Variants in HTR2C observed in about 807,000 individuals in gnomAD.
HTR2C encodes 5-hydroxytryptamine receptor 2C, also known as 5-hydroxytryptamine (serotonin) receptor 2C, G protein-coupled.
A neutral mutation model predicts 21.0 loss-of-function variants in HTR2C; 5 were observed. The ratio of observed to expected loss-of-function variants is 0.24; its 90% CI spans 0.12 to 0.50. The LOEUF (loss-of-function observed/expected upper bound fraction) is 0.50. Among genes scored for constraint, HTR2C ranks in the 20% least tolerant of loss-of-function variants. The pLI is 0.98. For synonymous variants in HTR2C, 150 were observed against 145.3 expected (o/e 1.03, Z -0.23); for missense variants, 271 against 371.2 (o/e 0.73, Z 2.22).
At chrX:114,743,820 A>G (rs2069675513) in intron 4 of HTR2C, among the ~76,000 whole-genome samples, 1 of 112,421 alleles carries the variant, frequency 8.9e-6, no homozygotes, top group South Asian at 3.7e-4. Flanking sequence ...GACACATTAT[A>G]ATCAAATTGC....
At chrX:114,905,709 T>A (rs781955103) in intron 5 of HTR2C, among the ~76,000 whole-genome samples, 1 of 111,913 alleles carries the variant, frequency 8.9e-6, no homozygotes, top group African/African-American at 3.2e-5. Flanking sequence ...TCTCTATGTA[T>A]TGATGCAGGA....
intron 4 of HTR2C, among the ~76,000 whole-genome samples, chrX:114,801,215 G>T (rs1556446738): frequency 1.8e-5 from 2 of 111,260 alleles, no homozygotes; most frequent in African/African-American, 6.5e-5. Flanking sequence ...TACTTGTCTA[G>T]ATCACATGGA....
chrX:114,726,199 G>T (rs1488718982), intron 2 of HTR2C, among the ~76,000 whole-genome samples: 1 of 112,511 alleles, frequency 8.9e-6, no homozygotes, highest in Non-Finnish European at 1.9e-5. Flanking sequence ...GGAACCAGGT[G>T]CAGGATATAA....
At chrX:114,653,539 A>C (rs1171892912) in intron 2 of HTR2C, among the ~76,000 whole-genome samples, 1 of 110,346 alleles carries the variant, frequency 9.1e-6, no homozygotes, top group Non-Finnish European at 1.9e-5. Context: ...CTTTGACTCT[A>C]AGCTAGTTTT....
intron 5 of HTR2C, among the ~76,000 whole-genome samples, chrX:114,893,482 G>A (rs1280807068): frequency 9.0e-6 from 1 of 110,891 alleles, no homozygotes; most frequent in Admixed American, 9.6e-5. Flanking sequence ...AATGTTCTGA[G>A]GCTTATGTAC....
At chrX:114,881,662 T>A (rs2071182922) in intron 5 of HTR2C, among the ~76,000 whole-genome samples, 2 of 110,710 alleles carry the variant, frequency 1.8e-5, no homozygotes, top group Non-Finnish European at 3.8e-5. Context: ...ACCATGTGTT[T>A]ACTTGTAGCC....
At chrX:114,738,497 A>C (rs2147352942) in intron 4 of HTR2C, among the ~76,000 whole-genome samples, 1 of 111,304 alleles carries the variant, frequency 9.0e-6, no homozygotes, top group South Asian at 3.8e-4. Context: ...TCACACTATT[A>C]TTACTATTCT....
intron 5 of HTR2C, among the ~76,000 whole-genome samples, chrX:114,870,106 A>C (rs1384145202): frequency 1.7e-5 from 1 of 58,189 alleles, no homozygotes; most frequent in Non-Finnish European, 3.7e-5. Flanking sequence ...ATTTTTTTTG[A>C]GATGGGGTTT....
chrX:114,776,142 T>A, intron 4 of HTR2C: 1 of 523,157 alleles, frequency 1.9e-6, no homozygotes, highest in Non-Finnish European at 3.5e-6. Flanking sequence ...CCATCCTGAA[T>A]AATGAGGATT....
At chrX:114,784,095 A>T (rs7056916) in intron 4 of HTR2C, among the ~76,000 whole-genome samples, 1,406 of 109,579 alleles carry the variant, frequency 0.013, 27 homozygotes, top group African/African-American at 0.045. Context: ...AATTAATTAA[A>T]TAAAAACAAA....
intron 2 of HTR2C, among the ~76,000 whole-genome samples, chrX:114,667,145 A>C (rs1187470149): frequency 9.0e-6 from 1 of 111,586 alleles, no homozygotes; most frequent in Non-Finnish European, 1.9e-5. Flanking sequence ...AACAAATTTA[A>C]GTACTAGATT....
At chrX:114,789,446 G>C (rs2070209776) in intron 4 of HTR2C, among the ~76,000 whole-genome samples, 1 of 111,853 alleles carries the variant, frequency 8.9e-6, no homozygotes, top group African/African-American at 3.2e-5. Flanking sequence ...GGAATTTAAA[G>C]CTTTCGAAAG....
intron 2 of HTR2C, among the ~76,000 whole-genome samples, chrX:114,690,542 T>C (rs1932075516): frequency 9.0e-6 from 1 of 111,497 alleles, no homozygotes; most frequent in Non-Finnish European, 1.9e-5. Context: ...GAAAATAGAA[T>C]ACAATGAAGA....
At chrX:114,892,909 T>G (rs2071268999) in intron 5 of HTR2C, among the ~76,000 whole-genome samples, 1 of 106,267 alleles carries the variant, frequency 9.4e-6, no homozygotes. Context: ...TTTATTTTTA[T>G]TTTTATTTTT....
chrX:114,773,747 T>C (rs1274066493), intron 4 of HTR2C, among the ~76,000 whole-genome samples: 1 of 112,758 alleles, frequency 8.9e-6, no homozygotes, highest in Non-Finnish European at 1.9e-5. Context: ...CAAGTTCCTT[T>C]AGAAACTGAT....
intron 2 of HTR2C, among the ~76,000 whole-genome samples, chrX:114,709,166 T>G (rs1378679383): frequency 8.9e-6 from 1 of 112,134 alleles, no homozygotes; most frequent in Non-Finnish European, 1.9e-5. Context: ...TAACTGCTAT[T>G]TCTTTGTTGT....
intron 4 of HTR2C, among the ~76,000 whole-genome samples, chrX:114,786,930 A>G (rs1457326577): frequency 9.0e-6 from 1 of 111,087 alleles, no homozygotes; most frequent in Non-Finnish European, 1.9e-5. Flanking sequence ...TTTTCCCCTA[A>G]AAGCCATCAT....
At chrX:114,699,027 G>A (rs924278366) in intron 2 of HTR2C, among the ~76,000 whole-genome samples, 3 of 111,414 alleles carry the variant, frequency 2.7e-5, no homozygotes, top group African/African-American at 9.8e-5. Flanking sequence ...GCCACAGAGG[G>A]GAGTCTCTAT....
At chrX:114,687,450 G>A (rs1206597206) in intron 2 of HTR2C, among the ~76,000 whole-genome samples, 3 of 111,888 alleles carry the variant, frequency 2.7e-5, no homozygotes, top group African/African-American at 9.7e-5. Context: ...TTTCACGTGT[G>A]TCATATCTAG....
Sources: allele counts gnomAD v4.1 joint callset (sites outside exome capture counted in the v4.1 genomes callset), GRCh38; gene constraint gnomAD v4.1.1; transcripts MANE v1.5; gene names NCBI Gene and HGNC (gene_info 2026-07-23, HGNC 2026-07-21).